HMCN1: variants seen among roughly 807,000 people sequenced by gnomAD.
HMCN1 encodes hemicentin 1, also known as hemicentin-1.
In HMCN1, 321 loss-of-function variants were observed where a neutral mutation model predicts 625.9. That is an observed-to-expected ratio of 0.51 (90% CI 0.47 to 0.56). HMCN1 has a LOEUF of 0.56. Ranked by LOEUF, HMCN1 falls within the 20% of genes least tolerant of loss-of-function variation. The pLI, the probability that HMCN1 is intolerant of heterozygous loss-of-function variation, is 0.00. For missense variants in HMCN1, 6,588 were observed against 6,887.3 expected, an observed-to-expected ratio of 0.96 and a Z score of 1.54; for synonymous variants, 2,425 against 2,417.6, an observed-to-expected ratio of 1.00 and a Z score of -0.09.
chr1:185,854,968 G>A (rs751195937), intron 2 of HMCN1, among the ~76,000 whole-genome samples: 1 of 152,188 alleles, frequency 6.6e-6, no homozygotes, highest in Non-Finnish European at 1.5e-5. Flanking sequence ...ATCCATATGT[G>A]AGTGTTGGAG....
At position 185,811,403 on chromosome 1, in the gene HMCN1, G is replaced by T. The variant is rs145967272; in HGVS notation, c.269-34623G>T. Among the ~76,000 whole-genome samples, 14 of 151,984 alleles carry T rather than the reference G, an allele frequency of 9.2e-5. No homozygotes were observed. In the East Asian group the frequency reaches 2.5e-3, roughly 27 times the overall value. On this transcript the variant is annotated intron_variant, in intron 1 of 106. Coordinates refer to ENST00000271588, the MANE Select transcript of HMCN1 (RefSeq NM_031935.3). ...TAAAAGTGTGAGGACTAGCCTGGGC[G>T]ATATAGTGAGACCTCAGCTCTAAAA...
At position 186,189,845 on chromosome 1, in the gene HMCN1, A is replaced by G. The variant is rs2102687874; in HGVS notation, c.16875A>G (p.Ile5625Met). 6.2e-7 allele frequency: 1 copy of G among 1,613,802 alleles called. No homozygotes were observed. The highest frequency in any genetic ancestry group is 2.2e-5 in the East Asian group (1 of 44,880). The part of the protein sequence containing the change: ...NGTIEYQTTF[I>M]VYIAVSAYPY The stretch of plus-strand genomic sequence containing the variant: ...CCATTGAATATCAGACCACATTCAT[A>G]GTTTATATAGCTGTGTCCGCCTATC... The change falls in exon 107 of 107, where the codon ATA (isoleucine) becomes ATG (methionine). Residue 5625 changes from isoleucine to methionine, a missense_variant. Around this residue, in one of 3 missense-constraint regions of HMCN1, gnomAD observed 1,954 missense variants for 2,013.1 expected, o/e 0.97. Coordinates refer to ENST00000271588, the MANE Select transcript of HMCN1 (RefSeq NM_031935.3).
At chr1:186,171,560 A>C in intron 101 of HMCN1, 110 bp downstream of exon 101, 1 of 869,074 alleles carries the variant, frequency 1.2e-6, no homozygotes, top group Non-Finnish European at 1.9e-6. Flanking sequence ...ATAGGACATC[A>C]AGCATGCAGC....
chr1:185,883,197 G>C (rs1005732293), intron 4 of HMCN1, among the ~76,000 whole-genome samples: 1 of 151,926 alleles, frequency 6.6e-6, no homozygotes, highest in Non-Finnish European at 1.5e-5. Flanking sequence ...ATTTATCTTT[G>C]TATTCTTGTT....
intron 48 of HMCN1, among the ~76,000 whole-genome samples, chr1:186,063,541 C>G (rs1055822388): frequency 6.6e-6 from 1 of 151,744 alleles, no homozygotes. Context: ...TTCAATAAAT[C>G]ATTCTCTTTT....
intron 93 of HMCN1, among the ~76,000 whole-genome samples, chr1:186,149,838 G>A (rs1258929913): frequency 1.3e-5 from 2 of 152,138 alleles, no homozygotes; most frequent in Non-Finnish European, 2.9e-5. Context: ...CTCGAGGAGA[G>A]GAAGAGAGTC....
In HMCN1 at chr1:185,754,829, C is replaced by CA. The variant is rs1189541522; in HGVS notation, c.268+19783dup. Among the ~76,000 whole-genome samples, 7 of 152,094 alleles carry CA rather than the reference C, an allele frequency of 4.6e-5. No individual in the cohort carries two copies. The East Asian group carries it at 1.2e-3, about 25-fold the overall frequency. ...TGGCATTGTACTCCAGCCTGGGCAA[C>CA]AGAGTGAGACCCTGTCTCAAAAAAA... On this transcript the variant is annotated intron_variant, in intron 1 of 106. Coordinates refer to ENST00000271588, the MANE Select transcript of HMCN1 (RefSeq NM_031935.3).
intron 4 of HMCN1, among the ~76,000 whole-genome samples, chr1:185,897,878 CA>C (rs1472438280): frequency 3.3e-5 from 5 of 152,156 alleles, no homozygotes; most frequent in African/African-American, 1.2e-4. Context: ...TGAATGTTTG[CA>C]TTTACTTTTC....
chr1:186,142,412 G>T (rs1650029518), intron 89 of HMCN1, among the ~76,000 whole-genome samples: 1 of 152,086 alleles, frequency 6.6e-6, no homozygotes. Context: ...GTCTACTGTT[G>T]TTGGGTGTTT....
At chr1:186,045,065 T>C (rs1221277792) in intron 40 of HMCN1, among the ~76,000 whole-genome samples, 1 of 152,150 alleles carries the variant, frequency 6.6e-6, no homozygotes, top group Non-Finnish European at 1.5e-5. Flanking sequence ...CAGCTGGTCA[T>C]TGAATTGATT....
At chr1:185,968,480 T>TTA (rs369735007) in intron 14 of HMCN1, among the ~76,000 whole-genome samples, 6,169 of 149,296 alleles carry the variant, frequency 0.041, 273 homozygotes, top group African/African-American at 0.11. Context: ...ATTTCTAAAA[T>TTA]TATATATATA....
At chr1:186,160,203 T>G (rs559131015) in intron 97 of HMCN1, among the ~76,000 whole-genome samples, 1 of 148,788 alleles carries the variant, frequency 6.7e-6, no homozygotes, top group Non-Finnish European at 1.5e-5. Context: ...CTAGTTTATT[T>G]GCATAGAGGT....
At chr1:185,785,413 G>A (rs1209545695) in intron 1 of HMCN1, among the ~76,000 whole-genome samples, 15 of 152,016 alleles carry the variant, frequency 9.9e-5, no homozygotes, top group Admixed American at 4.6e-4. Context: ...ATTGTGCCTC[G>A]TCCTTAATTT....
chr1:185,910,848 C>G (rs1282526185), intron 5 of HMCN1, among the ~76,000 whole-genome samples: 3 of 152,068 alleles, frequency 2.0e-5, no homozygotes, highest in Non-Finnish European at 4.4e-5. Context: ...GGATTACAGG[C>G]GTGAGCCACC....
chr1:186,163,489 G>C (rs1030515332), intron 97 of HMCN1, among the ~76,000 whole-genome samples: 2 of 152,110 alleles, frequency 1.3e-5, no homozygotes, highest in Non-Finnish European at 2.9e-5. Flanking sequence ...GAAATCACCC[G>C]TCTTCTGCCT....
chr1:186,074,722 T>G lies in HMCN1; in HGVS notation c.8140-19T>G. 6.2e-7 allele frequency: 1 copy of G among 1,610,580 alleles called. No homozygotes were observed. Among genetic ancestry groups the G allele is most frequent in the Non-Finnish European group, 8.5e-7 (1 of 1,177,340 alleles). ...TCATTATAGCACTTAATGCTAACATTGTTATAATTGAATCACAGCCCCTTA... is the reference window on the plus strand; with the variant it reads ...TCATTATAGCACTTAATGCTAACATGGTTATAATTGAATCACAGCCCCTTA... On this transcript the variant is annotated intron_variant, in intron 52 of 106. Coordinates refer to ENST00000271588, the MANE Select transcript of HMCN1 (RefSeq NM_031935.3).
chr1:186,170,019 A>C (rs1255853792), intron 100 of HMCN1, among the ~76,000 whole-genome samples: 1 of 152,194 alleles, frequency 6.6e-6, no homozygotes, highest in Non-Finnish European at 1.5e-5. Context: ...GGATATGAAC[A>C]GACACTTCTC....
Position 185,989,192 on chromosome 1 carries a change from A to C in HMCN1, c.3049-296A>C, listed in dbSNP as rs552862402. On this transcript the variant is annotated intron_variant, in intron 20 of 106. Coordinates refer to ENST00000271588, the MANE Select transcript of HMCN1 (RefSeq NM_031935.3). ...CCGGCTAATTTTTTGTGTTTTTAGT[A>C]GGGACGGGGTTTCACCGTGGTCTCG... is the stretch of plus-strand genomic sequence containing the variant. Among the ~76,000 whole-genome samples, 6 of 151,834 alleles carry C rather than the reference A, an allele frequency of 4.0e-5. No homozygotes were observed. In the East Asian group the frequency reaches 1.2e-3, roughly 30 times the overall value.
rs1275271497 is a variant in HMCN1, at chr1:186,144,785, C to T, written c.14266+82C>T. On this transcript the variant is annotated intron_variant, in intron 91 of 106. Transcript: ENST00000271588. ...GTAATTCCTTAAAGTTGCAATATTC[C>T]GTTATTTGGTTCTTCAACCTTTGGT... 16 of 1,524,694 alleles carry T rather than the reference C, an allele frequency of 1.0e-5. 1 individual carries two copies. In the Middle Eastern group the frequency reaches 5.1e-4, roughly 48 times the overall value. The allele number at this position is 1,524,694 out of a possible 1,614,324, so 94.4% of individuals were successfully genotyped here.
Sources: gnomAD v4.1 joint callset for allele counts (sites outside exome capture counted in the v4.1 genomes callset) on GRCh38, gnomAD v4.1.1 for gene constraint, gnomAD v4.1.1 regional missense constraint, MANE v1.5 for transcripts, NCBI Gene and HGNC (gene_info 2026-07-23, HGNC 2026-07-21) for gene names.